DKK4: variants seen among roughly 807,000 people sequenced by gnomAD.
The protein encoded by DKK4 is dickkopf Wnt signaling pathway inhibitor 4, also known as dickkopf-related protein 4.
DKK4 carries 15 observed loss-of-function variants against 14.5 expected under a neutral mutation model. The observed-to-expected ratio is 1.03, with a 90% CI of 0.69 to 1.59. The LOEUF is 1.59. DKK4 is among the 40% of genes most tolerant of loss of function. The pLI, the probability that DKK4 is intolerant of heterozygous loss-of-function variation, is 0.00. For missense variants in DKK4, 272 were observed against 280.3 expected (o/e 0.97, Z 0.21); for synonymous variants, 89 against 105.2 (o/e 0.85, Z 0.94).
At chr8:42,383,764 G>A in the DKK4 span, among the ~76,000 whole-genome samples, 5 of 152,202 alleles carry the variant, frequency 3.3e-5, no homozygotes, top group Non-Finnish European at 7.3e-5. Context: ...CCAACATGGC[G>A]AAACCCCGTC....
At chr8:42,389,757 T>C in the DKK4 span, among the ~76,000 whole-genome samples, 1 of 152,216 alleles carries the variant, frequency 6.6e-6, no homozygotes, top group Non-Finnish European at 1.5e-5. Flanking sequence ...TAACATTTTA[T>C]CATATTTGCT....
the DKK4 span, among the ~76,000 whole-genome samples, chr8:42,389,080 A>C: frequency 6.6e-6 from 1 of 152,184 alleles, no homozygotes; most frequent in Non-Finnish European, 1.5e-5. Flanking sequence ...AGTAGCTGGG[A>C]CTACAGGCAC....
chr8:42,386,065 A>C, the DKK4 span, among the ~76,000 whole-genome samples: 1 of 152,122 alleles, frequency 6.6e-6, no homozygotes, highest in East Asian at 1.9e-4. Flanking sequence ...GCCTCCCCGG[A>C]TTGGAGGTAT....
the DKK4 span, among the ~76,000 whole-genome samples, chr8:42,385,748 T>C: frequency 1.3e-4 from 20 of 152,236 alleles, no homozygotes; most frequent in African/African-American, 4.6e-4. Flanking sequence ...GTCCTTCTCA[T>C]ACATCTAGGT....
chr8:42,383,438 C>G, the DKK4 span, among the ~76,000 whole-genome samples: 1 of 152,256 alleles, frequency 6.6e-6, no homozygotes. Flanking sequence ...CCAAGTTGCT[C>G]AGCTCCAGGA....
the DKK4 span, among the ~76,000 whole-genome samples, chr8:42,385,819 A>G: frequency 6.6e-6 from 1 of 152,182 alleles, no homozygotes; most frequent in Non-Finnish European, 1.5e-5. Context: ...TACATTCCCA[A>G]ATCTTAGAAA....
chr8:42,389,242 C>G, the DKK4 span, among the ~76,000 whole-genome samples: 1 of 152,212 alleles, frequency 6.6e-6, no homozygotes. Context: ...GGCACCCGGC[C>G]TGGATACATT....
At chr8:42,389,995 T>G in the DKK4 span, among the ~76,000 whole-genome samples, 7 of 99,986 alleles carry the variant, frequency 7.0e-5, no homozygotes, top group African/African-American at 8.6e-4. Flanking sequence ...GGGTTCAAGT[T>G]GATTCTCCTG....
chr8:42,387,467 C>T, the DKK4 span, among the ~76,000 whole-genome samples: 1 of 145,588 alleles, frequency 6.9e-6, no homozygotes, highest in African/African-American at 2.5e-5. Flanking sequence ...AAGTTATTCT[C>T]CTGCCTCAGC....
At chr8:42,376,177 A>G (rs1486043339) in intron 1 of DKK4, among the ~76,000 whole-genome samples, 1 of 152,222 alleles carries the variant, frequency 6.6e-6, no homozygotes, top group African/African-American at 2.4e-5. Flanking sequence ...AGCTGGCTAC[A>G]GTTTCATTAA....
chr8:42,385,387 G>A, the DKK4 span, among the ~76,000 whole-genome samples: 41 of 151,984 alleles, frequency 2.7e-4, no homozygotes, highest in African/African-American at 9.9e-4. Context: ...GTGACACCCC[G>A]TCTCAAAAAA....
chr8:42,389,525 C>T, the DKK4 span, among the ~76,000 whole-genome samples: 60 of 152,278 alleles, frequency 3.9e-4, 1 homozygote, highest in East Asian at 0.011. Context: ...ATGTATCTTA[C>T]TTATCTCTTA....
chr8:42,381,884 T>C (rs1490876121), upstream of DKK4, among the ~76,000 whole-genome samples: 1 of 151,870 alleles, frequency 6.6e-6, no homozygotes, highest in Admixed American at 6.6e-5. Flanking sequence ...GTAATCCCAG[T>C]TACTTGGGAG....
chr8:42,375,768 A>G lies in DKK4; in HGVS notation c.174T>C (p.Asp58=), dbSNP rs753371072. 81 of 1,614,042 alleles carry G rather than the reference A, an allele frequency of 5.0e-5. No homozygotes were observed. Among genetic ancestry groups the G allele is most frequent in the Non-Finnish European group, 6.8e-5 (80 of 1,180,040 alleles). ...NTRKFCLQPR[D]EKPFCATCRG... is the part of the protein sequence containing the mutation. The stretch of plus-strand genomic sequence containing the variant: ...GACATGTAGCACAGAACGGCTTCTC[A>G]TCGCGGGGCTGGAGGCAGAACTTTC... Residue 58 remains aspartate, a synonymous_variant, in exon 2 of 4, where the codon GAT becomes GAC. Coordinates refer to ENST00000220812, the MANE Select transcript of DKK4 (RefSeq NM_014420.3).
the DKK4 span, among the ~76,000 whole-genome samples, chr8:42,388,059 C>T: frequency 6.6e-6 from 1 of 152,082 alleles, no homozygotes; most frequent in Non-Finnish European, 1.5e-5. Flanking sequence ...CCATCACCCT[C>T]AGCTAATTAA....
At chr8:42,386,398 A>G in the DKK4 span, among the ~76,000 whole-genome samples, 1 of 152,164 alleles carries the variant, frequency 6.6e-6, no homozygotes, top group Non-Finnish European at 1.5e-5. Flanking sequence ...ATCAAATATT[A>G]TCAGAACCCA....
At chr8:42,375,861 G>A in intron 1 of DKK4, 31 bp from the exon 2 acceptor site, 1 of 1,610,904 alleles carries the variant, frequency 6.2e-7, no homozygotes, top group Non-Finnish European at 8.5e-7. Flanking sequence ...CACAAGGCTA[G>A]GAAACCCCCA....
At position 42,374,329 on chromosome 8, in the gene DKK4, A is replaced by G. The variant is rs779669823; in HGVS notation, c.446T>C (p.Phe149Ser). Residue 149 changes from phenylalanine (F) to serine (S), a missense_variant, in exon 4 of 4, where the codon TTT becomes TCT. By Grantham distance (155) the Phe-to-Ser change is radical. Transcript: ENST00000220812. ...GQEGESCLRTFDCGPGLCCAR... is the reference protein window; with the variant it reads ...GQEGESCLRTSDCGPGLCCAR... The stretch of plus-strand genomic sequence containing the variant: ...ACAGCAAAGTCCAGGGCCACAGTCA[A>G]AAGTTCTCAGACAACTTTCTCCCTC... 11 of 1,613,690 alleles carry G rather than the reference A, an allele frequency of 6.8e-6. No homozygotes were observed. In the South Asian group the frequency reaches 9.9e-5, roughly 15 times the overall value.
At position 42,375,519 on chromosome 8, in the gene DKK4, G is replaced by GA. The variant is rs111452997; in HGVS notation, c.262+160dup. 7.7e-3 allele frequency among the ~76,000 whole-genome samples: 894 copies of GA among 116,832 alleles called. 5 individuals are homozygous for GA. Among genetic ancestry groups the GA allele is most frequent in the East Asian group, 0.048 (202 of 4,174 alleles). The allele number at this position is 116,832 out of a possible 152,430, so 76.6% of individuals were successfully genotyped here. A position where few individuals can be genotyped will look rare whatever the true frequency, so the allele number is the denominator to read the frequency against. On this transcript the variant is annotated intron_variant, in intron 2 of 3. Transcript: ENST00000220812. The stretch of plus-strand genomic sequence containing the variant: ...ACAACAAGGGCGAAACTCCGCCTCA[G>GA]AAAAAAAAAAAAAAGGAAAAGAAAA...
Sources: gnomAD v4.1 joint callset for allele counts (sites outside exome capture counted in the v4.1 genomes callset) on GRCh38, gnomAD v4.1.1 for gene constraint, MANE v1.5 for transcripts, NCBI Gene and HGNC (gene_info 2026-07-23, HGNC 2026-07-21) for gene names.